The following SLC48A1 variants were observed in gnomAD, a reference collection of about 807,000 sequenced individuals.
SLC48A1 encodes solute carrier family 48 member 1.
Under a neutral mutation model 14.8 loss-of-function variants are expected in SLC48A1, and 6 were observed. That is an observed-to-expected ratio of 0.41 (90% CI 0.22 to 0.80). The LOEUF (loss-of-function observed/expected upper bound fraction) is 0.80, where lower values mean the gene tolerates loss of function less well. Among genes scored for constraint, SLC48A1 ranks in the 30% least tolerant of loss-of-function variants. SLC48A1 has a pLI of 0.34. For missense variants in SLC48A1, 165 were observed against 204.8 expected (o/e 0.81, Z 1.19); for synonymous variants, 89 against 90.0 (o/e 0.99, Z 0.06).
chr12:47,754,997 G>C (rs1215275758), upstream of SLC48A1, among the ~76,000 whole-genome samples: 1 of 152,236 alleles, frequency 6.6e-6, no homozygotes, highest in East Asian at 1.9e-4. Context: ...GGACCTGTCA[G>C]ACCAGTTCCC....
chr12:47,771,139 T>TTA, upstream of SLC48A1: 1 of 294,990 alleles, frequency 3.4e-6, no homozygotes, highest in Non-Finnish European at 6.8e-6. Context: ...GGGTTTATTT[T>TTA]TTTATTTTTA....
At chr12:47,764,314 C>A (rs1942461772) in intron 2 of SLC48A1, among the ~76,000 whole-genome samples, 1 of 152,178 alleles carries the variant, frequency 6.6e-6, no homozygotes, top group East Asian at 1.9e-4. Context: ...AGGCTGAACA[C>A]CCACACTACC....
At chr12:47,765,415 G>A (rs191448998) in intron 2 of SLC48A1, among the ~76,000 whole-genome samples, 48 of 152,310 alleles carry the variant, frequency 3.2e-4, no homozygotes, top group Middle Eastern at 3.4e-3. Context: ...TGCTTTAGCC[G>A]CTTTGCCTGC....
chr12:47,779,224 A>G (rs764375061), intron 2 of SLC48A1, 29 bp downstream of exon 2: 6 of 1,541,126 alleles, frequency 3.9e-6, no homozygotes, highest in Non-Finnish European at 4.4e-6. Flanking sequence ...GAAAGAGGGC[A>G]TGGGAGGGAC....
chr12:47,757,985 C>CGTCAGGGA (rs1942191407), upstream of SLC48A1: 1 of 1,569,864 alleles, frequency 6.4e-7, no homozygotes, highest in Non-Finnish European at 8.6e-7. Context: ...TCCGGCACCA[C>CGTCAGGGA]GTCAGGGAGG....
chr12:47,780,239 C>T lies in SLC48A1; in HGVS notation c.399C>T (p.Tyr133=). ...AFLLSLYAHR[Y]RADFADISIL... ...TGCTCAGCCTCTATGCCCACCGCTA[C>T]CGGGCTGACTTTGCTGACATCAGCA... is the stretch of plus-strand genomic sequence containing the variant. The change falls in exon 3 of 3, where the codon TAC becomes TAT. Residue 133 remains tyrosine, a synonymous_variant. Transcript: ENST00000442218. The T allele has an allele frequency of 1.2e-6, 2 of 1,614,268 alleles. No homozygotes were observed. The highest frequency in any genetic ancestry group is 2.7e-5 in the African/African-American group (2 of 75,064).
Position 47,758,785 on chromosome 12 carries a change from C to A in SLC48A1, c.-373+125C>A, listed in dbSNP as rs991985718. 4.9e-6 allele frequency: 6 copies of A among 1,227,978 alleles called. No homozygotes were observed. In the Admixed American group the frequency reaches 2.5e-4, roughly 51 times the overall value. The allele number at this position is 1,227,978 out of a possible 1,614,324, so 76.1% of individuals were successfully genotyped here. ...GAGGGGTGGGGGCGTGGTGGGGGGA[C>A]GCCACCCAGCCACCGGCGACAGGGA... On this transcript the variant is annotated intron_variant, in intron 1 of 4. Transcript: ENST00000547002.
At chr12:47,763,927 G>A (rs539155215) in intron 2 of SLC48A1, among the ~76,000 whole-genome samples, 192 of 152,304 alleles carry the variant, frequency 1.3e-3, no homozygotes, top group Non-Finnish European at 2.3e-3. Context: ...TGGCGGAGAT[G>A]AGGAAACAGT....
At chr12:47,768,894 G>C (rs1942571322), upstream of SLC48A1, 1 of 152,202 alleles carries the variant, frequency 6.6e-6, no homozygotes, top group South Asian at 2.1e-4. Context: ...AATAAGGTTA[G>C]CTGTAACAAG....
At chr12:47,770,216 T>A (rs1942601075), upstream of SLC48A1, among the ~76,000 whole-genome samples, 1 of 152,276 alleles carries the variant, frequency 6.6e-6, no homozygotes, top group Non-Finnish European at 1.5e-5. Context: ...TACTGTTACA[T>A]AATTATTTCT....
chr12:47,779,363 C>T (rs1942816286), intron 2 of SLC48A1, among the ~76,000 whole-genome samples, 168 bp downstream of exon 2: 1 of 152,200 alleles, frequency 6.6e-6, no homozygotes. Context: ...AAGTCCCCAC[C>T]TCGCAAGTTG....
Position 47,763,386 on chromosome 12 carries a change from G to A in SLC48A1, c.-187+2985G>A, listed in dbSNP as rs370166211. On this transcript the variant is annotated intron_variant, in intron 2 of 4. Coordinates refer to the SLC48A1 transcript ENST00000547002. ...AATGGCCAGCTTGGAGGCCAGCTGG[G>A]AGATAAAGCTGTAGGGGATATAAGG... Among the ~76,000 whole-genome samples, 7 of 152,300 alleles carry A rather than the reference G, an allele frequency of 4.6e-5. No homozygotes were observed. In the East Asian group the frequency reaches 5.8e-4, roughly 13 times the overall value.
chr12:47,774,717 T>C (rs1942703819), intron 1 of SLC48A1, among the ~76,000 whole-genome samples: 1 of 152,132 alleles, frequency 6.6e-6, no homozygotes, highest in African/African-American at 2.4e-5. Context: ...AACAAAGCAC[T>C]GGGTCACCAA....
At chr12:47,767,038 G>A (rs1217396832), upstream of SLC48A1, among the ~76,000 whole-genome samples, 1 of 152,130 alleles carries the variant, frequency 6.6e-6, no homozygotes, top group African/African-American at 2.4e-5. Flanking sequence ...TCTGCTCTGT[G>A]GTCTACAAGC....
At chr12:47,769,084 G>A (rs1340966311), upstream of SLC48A1, 2 of 152,210 alleles carry the variant, frequency 1.3e-5, no homozygotes, top group African/African-American at 4.8e-5. Flanking sequence ...CAGGTTGTAT[G>A]GAAGATTTTT....
At chr12:47,764,045 G>A (rs1942453902) in intron 2 of SLC48A1, among the ~76,000 whole-genome samples, 1 of 152,200 alleles carries the variant, frequency 6.6e-6, no homozygotes, top group South Asian at 2.1e-4. Flanking sequence ...CCCTAGAAGG[G>A]AGGGAAGCAG....
At chr12:47,757,865 C>T, upstream of SLC48A1, 1 of 1,552,886 alleles carries the variant, frequency 6.4e-7, no homozygotes, top group Non-Finnish European at 8.7e-7. Flanking sequence ...AAGGTACTCA[C>T]CCAGCGCAGC....
intron 1 of SLC48A1, among the ~76,000 whole-genome samples, chr12:47,759,752 A>G (rs1310079836): frequency 1.3e-5 from 2 of 152,222 alleles, no homozygotes; most frequent in Admixed American, 1.3e-4. Flanking sequence ...GGGGACAGCG[A>G]CCCGTAATTC....
Position 47,774,275 on chromosome 12 carries a change from T to G in SLC48A1, c.136+835T>G, listed in dbSNP as rs368991814. ...ATTGGTATGAAGATGAAAAATATTA[T>G]CTCTACTTTCTAACATTTTAAAAAA... On this transcript the variant is annotated intron_variant, in intron 1 of 2. Coordinates refer to ENST00000442218, the MANE Select transcript of SLC48A1 (RefSeq NM_017842.3). Among the ~76,000 whole-genome samples the G allele has an allele frequency of 1.2e-4, 19 of 152,244 alleles. No individual in the cohort carries two copies. The East Asian group carries it at 1.7e-3, about 14-fold the overall frequency.
Sources: allele counts gnomAD v4.1 joint callset (sites outside exome capture counted in the v4.1 genomes callset), GRCh38; gene constraint gnomAD v4.1.1; transcripts MANE v1.5; gene names NCBI Gene and HGNC (gene_info 2026-07-23, HGNC 2026-07-21).